SLC67A1: variants seen among roughly 807,000 people sequenced by gnomAD.
SLC67A1 encodes solute carrier family 67 member 1, also known as solute carrier family 67 member A1.
At chr11:2,922,058 T>C in the SLC67A1 span, 1 of 1,455,552 alleles carries the variant, frequency 6.9e-7, no homozygotes, top group Admixed American at 1.7e-5. Flanking sequence ...CGCCCCTCCC[T>C]CGCCTCCCCC....
At chr11:2,908,467 C>T in the SLC67A1 span, 1 of 623,336 alleles carries the variant, frequency 1.6e-6, no homozygotes, top group Non-Finnish European at 2.7e-6. Flanking sequence ...TGTCACAGGC[C>T]GATGGGGGTG....
At chr11:2,909,559 TC>T in the SLC67A1 span, 2 of 1,518,348 alleles carry the variant, frequency 1.3e-6, no homozygotes, top group African/African-American at 1.4e-5. Flanking sequence ...GCCGCTCAGC[TC>T]CCCCGCCCCG....
chr11:2,916,571 C>T, the SLC67A1 span: 12 of 1,387,262 alleles, frequency 8.7e-6, no homozygotes, highest in South Asian at 2.5e-5. Context: ...GTGGCTGGGG[C>T]GCCTGGGCCC....
chr11:2,912,275 C>G, the SLC67A1 span, among the ~76,000 whole-genome samples: 2 of 152,190 alleles, frequency 1.3e-5, no homozygotes, highest in Non-Finnish European at 2.9e-5. Context: ...GCCCACACCT[C>G]CCCCTCGGGG....
the SLC67A1 span, chr11:2,899,720 T>A: frequency 2.1e-6 from 3 of 1,452,076 alleles, no homozygotes; most frequent in African/African-American, 1.4e-5. Flanking sequence ...AGCCTGTTCA[T>A]GACAAAAAAA....
At chr11:2,916,556 G>A in the SLC67A1 span, 2 of 1,190,868 alleles carry the variant, frequency 1.7e-6, no homozygotes, top group Admixed American at 1.8e-5. Flanking sequence ...TGCAGGTTGG[G>A]GGATGTGGCT....
chr11:2,922,459 C>T, the SLC67A1 span: 4 of 1,612,076 alleles, frequency 2.5e-6, no homozygotes, highest in African/African-American at 1.3e-5. Context: ...GCGTCTTCCA[C>T]TTCTGCCTCC....
chr11:2,909,708 C>A, the SLC67A1 span: 1 of 1,527,152 alleles, frequency 6.5e-7, no homozygotes, highest in Non-Finnish European at 8.8e-7. Context: ...TCTCCGCGTA[C>A]GGGTGAGTGG....
At chr11:2,914,775 G>A in the SLC67A1 span, 70 of 985,298 alleles carry the variant, frequency 7.1e-5, no homozygotes, top group Non-Finnish European at 8.0e-5. Flanking sequence ...GGCAGGTTTT[G>A]CCCCTGCCCA....
chr11:2,916,564 G>A, the SLC67A1 span: 4 of 1,321,934 alleles, frequency 3.0e-6, no homozygotes, highest in Non-Finnish European at 4.3e-6. Context: ...GGGGGATGTG[G>A]CTGGGGCGCC....
chr11:2,922,224 G>T, the SLC67A1 span: 1 of 1,603,200 alleles, frequency 6.2e-7, no homozygotes, highest in Non-Finnish European at 8.5e-7. Context: ...CCCGCTTTGG[G>T]CCCACTCACC....
the SLC67A1 span, chr11:2,909,626 C>A: frequency 6.5e-7 from 1 of 1,532,934 alleles, no homozygotes. Context: ...GAGCGGCCCG[C>A]GGCCCTGGGC....
the SLC67A1 span, among the ~76,000 whole-genome samples, chr11:2,904,025 C>T: frequency 3.9e-5 from 6 of 152,242 alleles, no homozygotes; most frequent in African/African-American, 1.2e-4. Context: ...TCTCTGTTGC[C>T]AAATGCGGAA....
At chr11:2,922,219 T>A in the SLC67A1 span, 1 of 1,605,762 alleles carries the variant, frequency 6.2e-7, no homozygotes, top group Non-Finnish European at 8.5e-7. Context: ...GGCTCCCCGC[T>A]TTGGGCCCAC....
the SLC67A1 span, among the ~76,000 whole-genome samples, chr11:2,911,174 TC>T: frequency 6.6e-6 from 1 of 151,978 alleles, no homozygotes; most frequent in East Asian, 1.9e-4. Flanking sequence ...CGCAGAAGCC[TC>T]ATGCAATAGA....
At chr11:2,908,314 G>A in the SLC67A1 span, 32 of 1,613,288 alleles carry the variant, frequency 2.0e-5, 1 homozygote, top group Admixed American at 8.3e-5. Flanking sequence ...GCTGCTGGGC[G>A]GGCCGGTATT....
At chr11:2,914,090 C>A in the SLC67A1 span, among the ~76,000 whole-genome samples, 1 of 152,194 alleles carries the variant, frequency 6.6e-6, no homozygotes, top group Admixed American at 6.5e-5. Flanking sequence ...AGCAGGTAAG[C>A]GGCAGAGAAG....
the SLC67A1 span, among the ~76,000 whole-genome samples, chr11:2,915,915 G>C: frequency 3.3e-5 from 5 of 152,348 alleles, no homozygotes; most frequent in East Asian, 9.6e-4. Context: ...GGAATCACAG[G>C]CCAAGTTTCC....
chr11:2,907,689 G>A, the SLC67A1 span, among the ~76,000 whole-genome samples: 8 of 152,208 alleles, frequency 5.3e-5, no homozygotes, highest in Non-Finnish European at 1.2e-4. The surrounding 1 kb of genome is among the most constrained non-coding windows in gnomAD (Gnocchi z 6.7). Flanking sequence ...GGGGCAGGGG[G>A]AGGAGCGGCT....
Sources: allele counts gnomAD v4.1 joint callset (sites outside exome capture counted in the v4.1 genomes callset), GRCh38; gene constraint gnomAD v4.1.1; non-coding constraint Gnocchi (gnomAD v3.1); transcripts MANE v1.5; gene names NCBI Gene and HGNC (gene_info 2026-07-23, HGNC 2026-07-21).